The following PCM1 variants were observed in gnomAD, a reference collection of about 807,000 sequenced individuals.
PCM1 encodes pericentriolar material 1 protein.
PCM1 carries 157 observed loss-of-function variants against 241.9 expected under a neutral mutation model. The ratio of observed to expected loss-of-function variants is 0.65; its 90% CI spans 0.57 to 0.74. The LOEUF (loss-of-function observed/expected upper bound fraction) is 0.74, where lower values mean the gene tolerates loss of function less well. Among genes scored for constraint, PCM1 ranks in the 30% least tolerant of loss-of-function variants. PCM1 has a pLI of 0.00. For synonymous variants in PCM1, 1,085 were observed against 784.9 expected (o/e 1.38, Z -6.39); for missense variants, 3,478 against 2,360.1 (o/e 1.47, Z -9.81).
chr8:17,929,258 C>G (rs2058197603), intron 2 of PCM1, among the ~76,000 whole-genome samples: 1 of 152,140 alleles, frequency 6.6e-6, no homozygotes, highest in Admixed American at 6.5e-5. Context: ...CACTTTTCCC[C>G]TTTTGGCAGG....
intron 6 of PCM1, among the ~76,000 whole-genome samples, chr8:17,941,798 A>G (rs2062147638): frequency 1.3e-5 from 2 of 152,178 alleles, no homozygotes; most frequent in Non-Finnish European, 1.5e-5. Context: ...CTGAGGCCTA[A>G]TAGGAAATAT....
intron 6 of PCM1, among the ~76,000 whole-genome samples, chr8:17,941,510 A>T (rs1399218918): frequency 1.3e-5 from 2 of 150,196 alleles, no homozygotes; most frequent in South Asian, 4.2e-4. Flanking sequence ...TTGGAGGGGG[A>T]TGTGGATTGA....
intron 13 of PCM1, 140 bp downstream of exon 13, chr8:17,957,915 T>G (rs531149285): frequency 3.2e-4 from 197 of 622,384 alleles, no homozygotes; most frequent in Non-Finnish European, 5.0e-4. Context: ...TTTTAGCACT[T>G]TACATGCTGT....
intron 13 of PCM1, among the ~76,000 whole-genome samples, chr8:17,958,965 A>T (rs904179627): frequency 1.8e-4 from 28 of 152,164 alleles, no homozygotes; most frequent in African/African-American, 6.5e-4. Context: ...CAGGCAGTTC[A>T]CCCACCTTGG....
At chr8:18,007,522 C>T (rs533601639) in intron 30 of PCM1, among the ~76,000 whole-genome samples, 1 of 152,264 alleles carries the variant, frequency 6.6e-6, no homozygotes, top group South Asian at 2.1e-4. Context: ...ATCCATGTAG[C>T]CCTTCCTCAG....
At chr8:17,997,440 C>T (rs190965973) in intron 29 of PCM1, among the ~76,000 whole-genome samples, 1 of 152,232 alleles carries the variant, frequency 6.6e-6, no homozygotes, top group East Asian at 1.9e-4. Flanking sequence ...CTTACTACCT[C>T]TGTCTCTCTC....
rs1171536407 is a variant in PCM1, at chr8:17,968,760, G to GTA, written c.3413-816_3413-815insAT. Among the ~76,000 whole-genome samples the GTA allele has an allele frequency of 4.7e-3, 599 of 128,044 alleles. 6 individuals carry two copies. The highest frequency in any genetic ancestry group is 0.017 in the African/African-American group (566 of 32,730). 84.0% of individuals were successfully genotyped at this position (128,044 alleles called of 152,430 possible). On this transcript the variant is annotated intron_variant, in intron 21 of 38. Transcript: ENST00000325083. ...TGTGTGTGTGTGTGTGTGTGTGTGT[G>GTA]TGTATATATATATATATACACACCA...
In PCM1 at chr8:17,953,154, C is replaced by T. The variant is rs761543092; in HGVS notation, c.1256C>T (p.Thr419Ile). ...GACAAATTGCTTGGAGAACTTCATA[C>T]ACTTCGAGATCAGCATCTTAACAAT... ...KMDKLLGELH[T>I]LRDQHLNNSS... The change falls in exon 9 of 39, where the codon ACA becomes ATA. Residue 419 changes from threonine (T) to isoleucine (I), a missense_variant. Physicochemically the swap from Thr to Ile is moderately conservative, Grantham distance 89. Coordinates refer to ENST00000325083, the MANE Select transcript of PCM1 (RefSeq NM_006197.4). The T allele has an allele frequency of 3.8e-6, 6 of 1,579,806 alleles. No homozygotes were observed. The highest frequency in any genetic ancestry group is 3.3e-4 in the Middle Eastern group (2 of 6,022).
intron 36 of PCM1, among the ~76,000 whole-genome samples, chr8:18,022,855 A>G (rs554154930): frequency 1.3e-5 from 2 of 152,350 alleles, no homozygotes; most frequent in East Asian, 1.9e-4. Context: ...AGGAAACTCT[A>G]GAGGCAAATG....
chr8:17,950,452 T>C (rs142433239), intron 7 of PCM1, among the ~76,000 whole-genome samples, 163 bp from the exon 8 acceptor site: 77 of 152,356 alleles, frequency 5.1e-4, no homozygotes, highest in African/African-American at 1.8e-3. Context: ...GGTGGTAACT[T>C]CTAATAAAAT....
chr8:17,961,698 C>A (rs1164388962), intron 15 of PCM1, among the ~76,000 whole-genome samples: 1 of 152,152 alleles, frequency 6.6e-6, no homozygotes, highest in Non-Finnish European at 1.5e-5. Context: ...CCTTGCCTTT[C>A]CTACTGTATC....
chr8:18,020,116 T>C (rs1005595811), intron 36 of PCM1, among the ~76,000 whole-genome samples: 1 of 152,156 alleles, frequency 6.6e-6, no homozygotes, highest in Non-Finnish European at 1.5e-5. Flanking sequence ...TTATAACCCC[T>C]TCAGGTTCAG....
intron 15 of PCM1, among the ~76,000 whole-genome samples, chr8:17,961,529 T>G (rs990245593): frequency 6.6e-6 from 1 of 152,114 alleles, no homozygotes; most frequent in African/African-American, 2.4e-5. Flanking sequence ...GCCAAGATGG[T>G]CTCAGTCTCC....
chr8:18,013,863 A>T, intron 34 of PCM1, 101 bp from the exon 35 acceptor site: 2 of 678,018 alleles, frequency 2.9e-6, no homozygotes, highest in Admixed American at 3.5e-5. Flanking sequence ...ATTTCTTTGT[A>T]TGAAGGTCTT....
intron 24 of PCM1, chr8:17,983,345 C>G (rs2081567522): frequency 1.9e-6 from 2 of 1,075,732 alleles, no homozygotes; most frequent in Non-Finnish European, 2.5e-6. Context: ...CCCATTGGTC[C>G]TAAAGGTTTT....
intron 35 of PCM1, among the ~76,000 whole-genome samples, 154 bp downstream of exon 35, chr8:18,014,190 T>G (rs1018654368): frequency 2.6e-5 from 4 of 151,930 alleles, no homozygotes; most frequent in Non-Finnish European, 5.9e-5. Context: ...CTATAAATCC[T>G]TTGTAGAAAA....
chr8:18,023,214 C>G (rs2093899317), intron 36 of PCM1, among the ~76,000 whole-genome samples: 1 of 152,078 alleles, frequency 6.6e-6, no homozygotes, highest in Admixed American at 6.6e-5. Flanking sequence ...TGGGCTATTT[C>G]CTACCTAAAA....
chr8:17,988,730 A>G (rs1018064123), intron 26 of PCM1, among the ~76,000 whole-genome samples: 4 of 151,942 alleles, frequency 2.6e-5, no homozygotes, highest in African/African-American at 9.7e-5. Flanking sequence ...AAGAAGATAT[A>G]TGAATGGCTA....
intron 2 of PCM1, among the ~76,000 whole-genome samples, chr8:17,930,297 G>A (rs555878700): frequency 6.6e-6 from 1 of 151,506 alleles, no homozygotes; most frequent in East Asian, 2.0e-4. Flanking sequence ...AGGTGACAGG[G>A]TTTCACCGTG....
Sources: gnomAD v4.1 joint callset for allele counts (sites outside exome capture counted in the v4.1 genomes callset) on GRCh38, gnomAD v4.1.1 for gene constraint, MANE v1.5 for transcripts, NCBI Gene and HGNC (gene_info 2026-07-23, HGNC 2026-07-21) for gene names.